Variants in ARHGAP35 observed in about 807,000 individuals in gnomAD.
ARHGAP35 encodes rho GTPase-activating protein 35.
In ARHGAP35, 15 loss-of-function variants were observed where a neutral mutation model predicts 111.1. That is an observed-to-expected ratio of 0.13 (90% CI 0.09 to 0.21). ARHGAP35 has a LOEUF of 0.21. Among genes scored for constraint, ARHGAP35 ranks in the 10% least tolerant of loss-of-function variants. The probability of loss-of-function intolerance (pLI) is 1.00; values close to 1 mark genes in which losing one functional copy is unlikely to be tolerated. For missense variants in ARHGAP35, 1,262 were observed against 1,873.0 expected (o/e 0.67, Z 6.02); for synonymous variants, 643 against 710.3 (o/e 0.91, Z 1.51).
intron 1 of ARHGAP35, among the ~76,000 whole-genome samples, chr19:46,904,228 C>G (rs963157677): frequency 6.6e-6 from 1 of 152,168 alleles, no homozygotes; most frequent in Non-Finnish European, 1.5e-5. Flanking sequence ...CTTCAGCTTC[C>G]GCATCTGTGA....
Position 46,919,980 on chromosome 19 carries a change from G to T in ARHGAP35, c.1305G>T (p.Ala435=). The change falls in exon 2 of 7, where the codon GCG becomes GCT. Residue 435 remains alanine, a synonymous_variant. Transcript: ENST00000672722. This position sits in a 1 kb window ranked among gnomAD's most constrained non-coding sequence, Gnocchi z 6.2. The part of the protein sequence containing the change: ...NERKRVEMRR[A]FKENLETSPF... ...GGAAAAGAGTTGAGATGCGAAGGGCGTTTAAAGAAAACCTGGAGACTTCTC... is the reference window on the plus strand; with the variant it reads ...GGAAAAGAGTTGAGATGCGAAGGGCTTTTAAAGAAAACCTGGAGACTTCTC... 1 of 1,613,988 alleles carries T rather than the reference G, an allele frequency of 6.2e-7. No individual in the cohort carries two copies. The highest frequency in any genetic ancestry group is 8.5e-7 in the Non-Finnish European group (1 of 1,179,898).
At chr19:46,880,093 A>G (rs2055952525) in intron 1 of ARHGAP35, among the ~76,000 whole-genome samples, 1 of 149,762 alleles carries the variant, frequency 6.7e-6, no homozygotes, top group African/African-American at 2.5e-5. Context: ...CTCAAAAAAT[A>G]AATAAATAAA....
Position 46,920,175 on chromosome 19 carries a change from A to G in ARHGAP35, c.1500A>G (p.Ser500=). Residue 500 remains serine, a synonymous_variant, in exon 2 of 7, where the codon TCA becomes TCG. Transcript: ENST00000672722. The surrounding 1 kb of genome is among the most constrained non-coding windows in gnomAD (Gnocchi z 7.0). ...EEFQELLLEY[S]ELFYELELDA... ...TTCAGGAGTTGCTTTTGGAATATTC[A>G]GAATTGTTTTATGAACTGGAGCTGG... 6.2e-7 allele frequency: 1 copy of G among 1,613,980 alleles called. No individual in the cohort carries two copies. The highest frequency in any genetic ancestry group is 1.3e-5 in the African/African-American group (1 of 75,042).
intron 3 of ARHGAP35, among the ~76,000 whole-genome samples, chr19:46,962,856 C>T (rs771453220): frequency 9.2e-5 from 14 of 152,142 alleles, no homozygotes; most frequent in Non-Finnish European, 1.8e-4. Flanking sequence ...TCAGGTGATC[C>T]GCCCGCACTT....
chr19:46,869,358 A>T (rs1481461725), intron 1 of ARHGAP35, among the ~76,000 whole-genome samples: 2 of 152,126 alleles, frequency 1.3e-5, no homozygotes, highest in Non-Finnish European at 2.9e-5. Context: ...TTGGAAGGCC[A>T]AGGTGGGCAG....
At chr19:46,976,870 TCTCA>T (rs2056582600) in intron 3 of ARHGAP35, among the ~76,000 whole-genome samples, 1 of 152,202 alleles carries the variant, frequency 6.6e-6, no homozygotes, top group Admixed American at 6.5e-5. Context: ...TGTCTGTTCA[TCTCA>T]CTCACACGCA....
rs1187704947 is a variant in ARHGAP35 at position 46,986,402 on chromosome 19, A to G, written c.3827-1587A>G. The stretch of plus-strand genomic sequence containing the variant: ...ACTACTTTTTTTCTTGTATCACACT[A>G]TACACCAAATAAGTTCCAGAATGAT... On this transcript the variant is annotated intron_variant, in intron 3 of 6. Transcript: ENST00000672722. This position sits in a 1 kb window ranked among gnomAD's most constrained non-coding sequence, Gnocchi z 4.3. Among the ~76,000 whole-genome samples the G allele has an allele frequency of 1.3e-5, 2 of 152,174 alleles. No individual in the cohort carries two copies. The highest frequency in any genetic ancestry group is 4.8e-5 in the African/African-American group (2 of 41,424).
At chr19:46,925,048 G>C (rs960638500) in intron 2 of ARHGAP35, among the ~76,000 whole-genome samples, 19 of 152,246 alleles carry the variant, frequency 1.2e-4, no homozygotes, top group Admixed American at 1.2e-3. Context: ...GGGTTGCTGG[G>C]TCAGCGTGCA....
chr19:46,868,631 G>A (rs150994979), intron 1 of ARHGAP35, among the ~76,000 whole-genome samples: 229 of 152,280 alleles, frequency 1.5e-3, no homozygotes, highest in African/African-American at 5.3e-3. Context: ...TAACAAAACT[G>A]TGTAAGTAAA....
chr19:46,873,407 G>A (rs866748052), intron 1 of ARHGAP35, among the ~76,000 whole-genome samples: 2 of 151,920 alleles, frequency 1.3e-5, no homozygotes, highest in Non-Finnish European at 2.9e-5. Context: ...CGAGGTGGGC[G>A]GATAATTTGA....
intron 3 of ARHGAP35, among the ~76,000 whole-genome samples, chr19:46,978,402 G>A (rs1031370813): frequency 2.0e-5 from 3 of 152,040 alleles, no homozygotes; most frequent in African/African-American, 7.2e-5. Context: ...TAACCCCAAG[G>A]GGCTTTTCTA....
chr19:46,920,206 A>G lies in ARHGAP35; in HGVS notation c.1531A>G (p.Lys511Glu). 6.2e-7 allele frequency: 1 copy of G among 1,613,964 alleles called. No homozygotes were observed. Among genetic ancestry groups the G allele is most frequent in the African/African-American group, 1.3e-5 (1 of 75,048 alleles). ...GTTTTATGAACTGGAGCTGGATGCT[A>G]AGCCCAGCAAGGAGAAGATGGGTGT... ...ELFYELELDA[K>E]PSKEKMGVIQ... The change falls in exon 2 of 7, where the codon AAG becomes GAG. Residue 511 changes from lysine to glutamate, a missense_variant. Coordinates refer to ENST00000672722, the MANE Select transcript of ARHGAP35 (RefSeq NM_004491.5). This position sits in a 1 kb window ranked among gnomAD's most constrained non-coding sequence, Gnocchi z 7.0.
At chr19:46,948,228 CATT>C (rs774395401) in intron 3 of ARHGAP35, 3 of 152,188 alleles carry the variant, frequency 2.0e-5, no homozygotes, top group Non-Finnish European at 4.4e-5. Context: ...ACACACCCAA[CATT>C]ATAACAAAAA....
intron 3 of ARHGAP35, among the ~76,000 whole-genome samples, chr19:46,974,939 C>T (rs557022166): frequency 5.5e-4 from 84 of 152,238 alleles, no homozygotes; most frequent in African/African-American, 1.7e-3. Context: ...GGCACGATCT[C>T]GGCTCACTGC....
rs1441308115 is a variant in ARHGAP35 at position 46,988,384 on chromosome 19, A to G, written c.3904+318A>G. The G allele has an allele frequency of 1.2e-5, 4 of 331,670 alleles. No individual in the cohort carries two copies. The East Asian group carries it at 2.9e-4, about 24-fold the overall frequency. 20.5% of individuals were successfully genotyped at this position (331,670 alleles called of 1,614,324 possible). On this transcript the variant is annotated intron_variant, in intron 4 of 6. Transcript: ENST00000672722. The surrounding 1 kb of genome is among the most constrained non-coding windows in gnomAD (Gnocchi z 5.4). Reference sequence around the variant, plus strand: ...ACTGAAGAGCTTTGCCTGTTTTCCCATGCAGAGCTAGTTGCAGGCACATGA... The same window carrying G: ...ACTGAAGAGCTTTGCCTGTTTTCCCGTGCAGAGCTAGTTGCAGGCACATGA...
At chr19:46,874,235 CCT>C (rs1320791136) in intron 1 of ARHGAP35, among the ~76,000 whole-genome samples, 1 of 152,152 alleles carries the variant, frequency 6.6e-6, no homozygotes, top group Admixed American at 6.5e-5. Context: ...CATGCCTCTT[CCT>C]CTCTGGGAGA....
At chr19:46,893,817 C>T (rs1315598528) in intron 1 of ARHGAP35, among the ~76,000 whole-genome samples, 4 of 150,870 alleles carry the variant, frequency 2.7e-5, no homozygotes, top group Non-Finnish European at 5.9e-5. Flanking sequence ...GGGGGGAAGT[C>T]CATTTATTTA....
chr19:46,960,145 A>T (rs2056471158), intron 3 of ARHGAP35, among the ~76,000 whole-genome samples: 1 of 151,578 alleles, frequency 6.6e-6, no homozygotes, highest in African/African-American at 2.4e-5. Flanking sequence ...AGAAAAAAGT[A>T]ACCCGATCTT....
intron 2 of ARHGAP35, among the ~76,000 whole-genome samples, chr19:46,936,684 A>G (rs1315092661): frequency 2.0e-5 from 3 of 152,164 alleles, no homozygotes; most frequent in South Asian, 2.1e-4. Context: ...ATTTTATTAC[A>G]TAAACATGGA....
Sources: allele counts gnomAD v4.1 joint callset (sites outside exome capture counted in the v4.1 genomes callset), GRCh38; gene constraint gnomAD v4.1.1; non-coding constraint Gnocchi (gnomAD v3.1); transcripts MANE v1.5; gene names NCBI Gene and HGNC (gene_info 2026-07-23, HGNC 2026-07-21).